PTGER4: variants seen among roughly 807,000 people sequenced by gnomAD.
PTGER4 encodes prostaglandin E2 receptor EP4 subtype.
In PTGER4, 11 loss-of-function variants were observed where a neutral mutation model predicts 33.2. The ratio of observed to expected loss-of-function variants is 0.33; its 90% CI spans 0.21 to 0.55. The LOEUF (loss-of-function observed/expected upper bound fraction) is 0.55, where lower values mean the gene tolerates loss of function less well. Ranked by LOEUF, PTGER4 falls within the 20% of genes least tolerant of loss-of-function variation. The pLI is 0.92. For missense variants in PTGER4, 481 were observed against 650.2 expected (o/e 0.74, Z 2.83); for synonymous variants, 275 against 281.5 (o/e 0.98, Z 0.23).
At chr5:40,697,226 A>AAAAGAAAGAAAGAAAGAGAG (rs1741623372), downstream of PTGER4, among the ~76,000 whole-genome samples, 2 of 112,566 alleles carry the variant, frequency 1.8e-5, no homozygotes, top group African/African-American at 7.3e-5. Context: ...AAGAAAGAAG[A>AAAAGAAAGAAAGAAAGAGAG]AAAGAAAGAA....
At chr5:40,712,071 T>A in the PTGER4 span, among the ~76,000 whole-genome samples, 1 of 152,136 alleles carries the variant, frequency 6.6e-6, no homozygotes, top group South Asian at 2.1e-4. Flanking sequence ...ATTTCTAAGT[T>A]ATACTCATTT....
the PTGER4 span, among the ~76,000 whole-genome samples, chr5:40,726,209 A>G: frequency 7.6e-6 from 1 of 132,334 alleles, no homozygotes; most frequent in Admixed American, 7.4e-5. Context: ...ATATACATAC[A>G]TATTTTATAT....
chr5:40,709,138 T>A, the PTGER4 span, among the ~76,000 whole-genome samples: 1 of 152,146 alleles, frequency 6.6e-6, no homozygotes, highest in African/African-American at 2.4e-5. Flanking sequence ...AGGGATGCCC[T>A]CTCTCACCAC....
At chr5:40,687,924 T>C (rs891857606) in intron 2 of PTGER4, among the ~76,000 whole-genome samples, 2 of 152,168 alleles carry the variant, frequency 1.3e-5, no homozygotes, top group Non-Finnish European at 2.9e-5. Context: ...CCTCCTATAC[T>C]AGTCGAAATC....
At chr5:40,729,793 C>A in the PTGER4 span, among the ~76,000 whole-genome samples, 1 of 152,124 alleles carries the variant, frequency 6.6e-6, no homozygotes, top group Non-Finnish European at 1.5e-5. Flanking sequence ...CCGCCTCCCA[C>A]GTTCAAGTGG....
the PTGER4 span, among the ~76,000 whole-genome samples, chr5:40,708,842 G>C: frequency 7.9e-5 from 12 of 152,136 alleles, no homozygotes; most frequent in African/African-American, 2.9e-4. Context: ...CCATGATCAA[G>C]TGGGCTTCAT....
chr5:40,717,996 A>AG, the PTGER4 span, among the ~76,000 whole-genome samples: 1 of 151,956 alleles, frequency 6.6e-6, no homozygotes, highest in South Asian at 2.1e-4. Context: ...CGGGAGGCGG[A>AG]GGTTGCAGTG....
the PTGER4 span, among the ~76,000 whole-genome samples, chr5:40,707,888 C>T: frequency 2.0e-5 from 3 of 152,244 alleles, no homozygotes; most frequent in Admixed American, 6.5e-5. Flanking sequence ...CACTCAAAAC[C>T]GCTCAACTAC....
the PTGER4 span, among the ~76,000 whole-genome samples, chr5:40,745,981 C>G: frequency 6.6e-6 from 1 of 152,054 alleles, no homozygotes; most frequent in Non-Finnish European, 1.5e-5. Flanking sequence ...AGATACCATT[C>G]TATATTTTCT....
chr5:40,704,576 C>T, the PTGER4 span, among the ~76,000 whole-genome samples: 1 of 152,150 alleles, frequency 6.6e-6, no homozygotes, highest in South Asian at 2.1e-4. Context: ...ACCTAGAAAA[C>T]CCCATAGTCT....
At chr5:40,684,607 A>G (rs1196437421) in intron 2 of PTGER4, among the ~76,000 whole-genome samples, 2 of 152,192 alleles carry the variant, frequency 1.3e-5, no homozygotes, top group Non-Finnish European at 2.9e-5. Flanking sequence ...ATATTTCATA[A>G]ATAGAGTTAA....
chr5:40,745,751 A>G, the PTGER4 span, among the ~76,000 whole-genome samples: 1 of 151,342 alleles, frequency 6.6e-6, no homozygotes, highest in African/African-American at 2.4e-5. Flanking sequence ...TTGTTTATTT[A>G]TTTGACAGGG....
chr5:40,720,184 C>G, the PTGER4 span, among the ~76,000 whole-genome samples: 2 of 151,974 alleles, frequency 1.3e-5, no homozygotes, highest in African/African-American at 4.8e-5. Context: ...ACTTTTAGTT[C>G]TTATGTTTAG....
At chr5:40,718,768 G>T in the PTGER4 span, among the ~76,000 whole-genome samples, 1 of 151,726 alleles carries the variant, frequency 6.6e-6, no homozygotes, top group Non-Finnish European at 1.5e-5. Flanking sequence ...GGGTGTAGTG[G>T]TGTATGCCTG....
the PTGER4 span, among the ~76,000 whole-genome samples, chr5:40,724,517 C>A: frequency 1.3e-5 from 2 of 151,932 alleles, no homozygotes; most frequent in Admixed American, 1.3e-4. Context: ...CCTATAGTCC[C>A]AGCTACTTGG....
At chr5:40,745,856 T>A in the PTGER4 span, among the ~76,000 whole-genome samples, 1 of 152,050 alleles carries the variant, frequency 6.6e-6, no homozygotes, top group Non-Finnish European at 1.5e-5. Flanking sequence ...CACCTTGGCC[T>A]CCCAAAGTGC....
chr5:40,725,960 T>G, the PTGER4 span, among the ~76,000 whole-genome samples: 250 of 151,920 alleles, frequency 1.6e-3, 1 homozygote, highest in African/African-American at 5.7e-3. Context: ...TAATTTTTTG[T>G]ATTTTTAGTA....
chr5:40,704,484 G>C, the PTGER4 span, among the ~76,000 whole-genome samples: 1 of 152,160 alleles, frequency 6.6e-6, no homozygotes, highest in Non-Finnish European at 1.5e-5. Flanking sequence ...GTCCAGGCCA[G>C]AGCAATCAGG....
chr5:40,681,371 C>T lies in PTGER4; in HGVS notation c.378C>T (p.Phe126=), dbSNP rs771599218. ...ACCTGGCCATCAACCATGCCTATTT[C>T]TACAGCCACTACGTGGACAAGCGAT... ...ERYLAINHAY[F]YSHYVDKRLA... is the part of the protein sequence containing the mutation. The change falls in exon 2 of 3, where the codon TTC becomes TTT. Residue 126 remains phenylalanine (F), a synonymous_variant. Coordinates refer to ENST00000302472, the MANE Select transcript of PTGER4 (RefSeq NM_000958.3). This position sits in a 1 kb window ranked among gnomAD's most constrained non-coding sequence, Gnocchi z 9.8. 15 of 1,614,152 alleles carry T rather than the reference C, an allele frequency of 9.3e-6. No homozygotes were observed. Among genetic ancestry groups the T allele is most frequent in the Non-Finnish European group, 1.2e-5 (14 of 1,180,036 alleles).
Sources: allele counts gnomAD v4.1 joint callset (sites outside exome capture counted in the v4.1 genomes callset), GRCh38; gene constraint gnomAD v4.1.1; non-coding constraint Gnocchi (gnomAD v3.1); transcripts MANE v1.5; gene names NCBI Gene and HGNC (gene_info 2026-07-23, HGNC 2026-07-21).